ERBB4: variants seen among roughly 807,000 people sequenced by gnomAD.
ERBB4 encodes the protein receptor tyrosine-protein kinase erbB-4.
Under a neutral mutation model 158.0 loss-of-function variants are expected in ERBB4, and 42 were observed. The observed-to-expected ratio is 0.27, with a 90% CI of 0.21 to 0.34. The LOEUF (loss-of-function observed/expected upper bound fraction) is 0.34. Ranked by LOEUF, ERBB4 falls within the 10% of genes least tolerant of loss-of-function variation. ERBB4 has a pLI of 1.00. For missense variants in ERBB4, 1,333 were observed against 1,624.1 expected (o/e 0.82, Z 3.08); for synonymous variants, 583 against 558.7 (o/e 1.04, Z -0.61).
chr2:211,519,680 AG>A (rs1406483881), intron 20 of ERBB4, among the ~76,000 whole-genome samples: 2 of 152,172 alleles, frequency 1.3e-5, no homozygotes, highest in African/African-American at 4.8e-5. Flanking sequence ...AAAGAAAAAA[AG>A]AAAAAAAACA....
chr2:212,319,310 A>G (rs1239037476), intron 1 of ERBB4, among the ~76,000 whole-genome samples: 1 of 138,698 alleles, frequency 7.2e-6, no homozygotes, highest in East Asian at 2.0e-4. Context: ...TAAGTTTTAA[A>G]CGTCCTCAGA....
chr2:212,298,492 C>A (rs1222515306), intron 1 of ERBB4, among the ~76,000 whole-genome samples: 1 of 151,676 alleles, frequency 6.6e-6, no homozygotes, highest in Non-Finnish European at 1.5e-5. Context: ...CCCTGAGGAA[C>A]TGTCATAACT....
At chr2:212,236,708 T>C (rs965445397) in intron 1 of ERBB4, among the ~76,000 whole-genome samples, 2 of 152,196 alleles carry the variant, frequency 1.3e-5, no homozygotes, top group Non-Finnish European at 2.9e-5. Flanking sequence ...GGTGTATGTG[T>C]CCAGGAATTT....
chr2:211,690,924 A>T (rs1386903791), intron 12 of ERBB4, among the ~76,000 whole-genome samples: 1 of 152,272 alleles, frequency 6.6e-6, no homozygotes, highest in African/African-American at 2.4e-5. Context: ...TCTTTATCTC[A>T]TCTGAATTCC....
At chr2:211,729,508 T>C (rs1294444890) in intron 5 of ERBB4, among the ~76,000 whole-genome samples, 1 of 151,678 alleles carries the variant, frequency 6.6e-6, no homozygotes, top group Non-Finnish European at 1.5e-5. Context: ...AAAAAAAATA[T>C]TTCTTTATAT....
Position 212,399,970 on chromosome 2 carries a change from G to C in ERBB4, c.82+138479C>G, listed in dbSNP as rs1490458290. The stretch of plus-strand genomic sequence containing the variant: ...GTTCAGAGTGCTTTGAGAGTCTATG[G>C]GGGCGGAGAAAAACTTTAATGAAAT... On this transcript the variant is annotated intron_variant, in intron 1 of 27. Coordinates refer to ENST00000342788, the MANE Select transcript of ERBB4 (RefSeq NM_005235.3). Among the ~76,000 whole-genome samples the C allele has an allele frequency of 3.3e-5, 5 of 152,052 alleles. No individual in the cohort carries two copies. The East Asian group carries it at 7.7e-4, about 23-fold the overall frequency.
intron 20 of ERBB4, among the ~76,000 whole-genome samples, chr2:211,538,772 A>C (rs1488782422): frequency 2.6e-5 from 4 of 151,894 alleles, no homozygotes; most frequent in African/African-American, 9.7e-5. Context: ...GATGGTATAC[A>C]TAGATGTGAC....
At chr2:211,662,020 C>G (rs1389671411) in intron 15 of ERBB4, among the ~76,000 whole-genome samples, 4 of 107,908 alleles carry the variant, frequency 3.7e-5, no homozygotes, top group East Asian at 3.2e-4. Context: ...GCCTGGGCGA[C>G]AGAGCGGGAC....
rs140914524 is a variant in ERBB4 at position 211,458,659 on chromosome 2, C to T, written c.2488-27559G>A. On this transcript the variant is annotated intron_variant, in intron 20 of 27. Transcript: ENST00000342788. Reference sequence around the variant, plus strand: ...CAAAAAAATTGTCCCAAGAGATGAGCAAAGCTTTCCCTGACTTCTGTTTTC... The same window carrying T: ...CAAAAAAATTGTCCCAAGAGATGAGTAAAGCTTTCCCTGACTTCTGTTTTC... Among the ~76,000 whole-genome samples the T allele has an allele frequency of 8.9e-4, 136 of 152,250 alleles. 1 individual carries two copies. The highest frequency in any genetic ancestry group is 9.6e-4 in the Non-Finnish European group (65 of 68,010).
chr2:212,071,005 TAAC>T (rs2078099539), intron 2 of ERBB4, among the ~76,000 whole-genome samples: 1 of 152,010 alleles, frequency 6.6e-6, no homozygotes, highest in East Asian at 1.9e-4. Context: ...ATAGACAAAG[TAAC>T]AACAACAATT....
At chr2:211,661,858 T>C (rs2071432901) in intron 15 of ERBB4, among the ~76,000 whole-genome samples, 2 of 149,474 alleles carry the variant, frequency 1.3e-5, no homozygotes, top group South Asian at 4.3e-4. Context: ...GCTAAAACGG[T>C]GAAACCCCGT....
intron 20 of ERBB4, among the ~76,000 whole-genome samples, chr2:211,487,789 G>A (rs780429732): frequency 3.9e-5 from 6 of 152,066 alleles, no homozygotes; most frequent in Non-Finnish European, 7.3e-5. Flanking sequence ...ACAGTAAAGG[G>A]CTGCGGGGGT....
At chr2:211,494,875 C>T (rs35145864) in intron 20 of ERBB4, among the ~76,000 whole-genome samples, 52,984 of 151,926 alleles carry the variant, frequency 0.35, 10,051 homozygotes, top group African/African-American at 0.5. Context: ...AGGAAACGAA[C>T]TGTGTTTCCT....
In ERBB4 at chr2:211,781,927, C is replaced by A. The variant is rs553775166; in HGVS notation, c.556+6098G>T. On this transcript the variant is annotated intron_variant, in intron 4 of 27. Coordinates refer to ENST00000342788, the MANE Select transcript of ERBB4 (RefSeq NM_005235.3). ...GTGCCCAGTCAATGCACTGCAGTCT[C>A]TAAGGGGGTTGCAGTAAGACACTCA... 3.3e-5 allele frequency among the ~76,000 whole-genome samples: 5 copies of A among 152,302 alleles called. No individual in the cohort carries two copies. In the South Asian group the frequency reaches 8.3e-4, roughly 25 times the overall value.
intron 1 of ERBB4, among the ~76,000 whole-genome samples, chr2:212,532,071 T>A (rs1692784127): frequency 6.6e-6 from 1 of 152,246 alleles, no homozygotes; most frequent in Admixed American, 6.5e-5. Context: ...TTCTCTTTAA[T>A]GCAACATAAC....
intron 20 of ERBB4, among the ~76,000 whole-genome samples, chr2:211,503,608 C>T (rs754901681): frequency 1.3e-5 from 2 of 152,264 alleles, no homozygotes; most frequent in East Asian, 1.9e-4. Context: ...TCTGGACCCG[C>T]ATAGCGCCTT....
chr2:212,111,740 C>G (rs913628857), intron 2 of ERBB4, among the ~76,000 whole-genome samples: 2 of 151,920 alleles, frequency 1.3e-5, no homozygotes, highest in African/African-American at 4.8e-5. Flanking sequence ...AACTCACAAC[C>G]CTTTTTTAAA....
At chr2:211,887,253 TACACACACACAC>T (rs112197898) in intron 3 of ERBB4, among the ~76,000 whole-genome samples, 1 of 145,326 alleles carries the variant, frequency 6.9e-6, no homozygotes, top group African/African-American at 2.5e-5. Context: ...AACAGAGGAT[TACACACACACAC>T]ACACACACAC....
intron 1 of ERBB4, among the ~76,000 whole-genome samples, chr2:212,238,888 G>T (rs1436279131): frequency 6.6e-6 from 1 of 151,908 alleles, no homozygotes; most frequent in Non-Finnish European, 1.5e-5. Context: ...TAATATTCGG[G>T]TCTTATGTAG....
Sources: gnomAD v4.1 joint callset for allele counts (sites outside exome capture counted in the v4.1 genomes callset) on GRCh38, gnomAD v4.1.1 for gene constraint, MANE v1.5 for transcripts, NCBI Gene and HGNC (gene_info 2026-07-23, HGNC 2026-07-21) for gene names.